The following POM121 variants were observed in gnomAD, a reference collection of about 807,000 sequenced individuals.
POM121 encodes nuclear envelope pore membrane protein POM 121.
Under a neutral mutation model 81.3 loss-of-function variants are expected in POM121, and 32 were observed. That is an observed-to-expected ratio of 0.39 (90% confidence interval 0.30 to 0.53). The LOEUF is 0.53. Among genes scored for constraint, POM121 ranks in the 20% least tolerant of loss-of-function variants. The probability of loss-of-function intolerance (pLI) is 0.66; values close to 1 mark genes in which losing one functional copy is unlikely to be tolerated. For synonymous variants in POM121, 514 were observed against 694.2 expected (o/e 0.74, Z 4.08); for missense variants, 1,138 against 1,614.6 (o/e 0.70, Z 5.06).
chr7:72,901,841 G>A (rs1469114930), intron 3 of POM121, among the ~76,000 whole-genome samples: 2 of 151,788 alleles, frequency 1.3e-5, no homozygotes, highest in Non-Finnish European at 2.9e-5. Flanking sequence ...GGCTGGGCAC[G>A]GTGGCTCACA....
downstream of POM121, chr7:72,950,279 A>T: frequency 8.7e-7 from 1 of 1,153,064 alleles, no homozygotes; most frequent in South Asian, 1.6e-5. Flanking sequence ...CATGCAACAA[A>T]TGTTACCACA....
chr7:72,894,576 TAA>T (rs782336455), intron 3 of POM121, among the ~76,000 whole-genome samples: 3 of 78,238 alleles, frequency 3.8e-5, no homozygotes, highest in East Asian at 3.1e-4. Context: ...GAAACTTCAT[TAA>T]AAAAAAAAAA....
At chr7:72,901,983 A>G (rs13245848) in intron 3 of POM121, among the ~76,000 whole-genome samples, 1 of 151,718 alleles carries the variant, frequency 6.6e-6, no homozygotes, top group Non-Finnish European at 1.5e-5. Context: ...ATGGTGGCGC[A>G]TGCCTGTAAT....
intron 3 of POM121, among the ~76,000 whole-genome samples, chr7:72,894,899 C>T (rs1554491490): frequency 6.6e-6 from 1 of 152,178 alleles, no homozygotes; most frequent in African/African-American, 2.4e-5. Context: ...GTGATCATAG[C>T]TCATGGCAGC....
intron 3 of POM121, among the ~76,000 whole-genome samples, chr7:72,909,156 A>G (rs782160929): frequency 3.9e-5 from 6 of 152,236 alleles, no homozygotes; most frequent in Non-Finnish European, 8.8e-5. Context: ...TTCTTCTGCC[A>G]TGGCTTTAGC....
intron 5 of POM121, among the ~76,000 whole-genome samples, chr7:72,934,472 A>C (rs1387435329): frequency 2.0e-5 from 3 of 152,174 alleles, no homozygotes; most frequent in Admixed American, 6.5e-5. Context: ...GTTGCAACAA[A>C]AAAGTGTCCT....
rs150085369 is a variant in POM121 at position 72,942,998 on chromosome 7, C to T, written c.3005C>T (p.Ala1002Val). Reference sequence around the variant, plus strand: ...TCTTTCACTTTTGGAAACTCTGCAGCCCCGGCTGCTGCACCCACACCTGCA... The same window carrying T: ...TCTTTCACTTTTGGAAACTCTGCAGTCCCGGCTGCTGCACCCACACCTGCA... ...GSSFTFGNSA[A>V]PAAAPTPAPP... is the part of the protein sequence containing the mutation. Residue 1002 changes from alanine (A) to valine (V), a missense_variant, in exon 11 of 13, where the codon GCC becomes GTC. Coordinates refer to ENST00000434423, the MANE Select transcript of POM121 (RefSeq NM_001387691.1). The T allele has an allele frequency of 3.2e-5, 51 of 1,613,386 alleles. No homozygotes were observed. In the African/African-American group the frequency reaches 6.0e-4, roughly 19 times the overall value.
In POM121 at chr7:72,918,777, C is replaced by T. The variant is rs147736209; in HGVS notation, c.-152+4949C>T. Among the ~76,000 whole-genome samples the T allele has an allele frequency of 1.2e-4, 18 of 151,978 alleles. No individual in the cohort carries two copies. The East Asian group carries it at 3.1e-3, about 26-fold the overall frequency. ...GTCCTCATGTGACCTTTTCTCTGCA[C>T]GTCTCTGGCATTTCTGCTTGTTTCT... On this transcript the variant is annotated intron_variant, in intron 4 of 15. Transcript: ENST00000395270.
rs782750987 is a variant in POM121 at position 72,926,788 on chromosome 7, G to T, written c.861-14G>T. 62 of 1,611,252 alleles carry T rather than the reference G, an allele frequency of 3.8e-5. No individual in the cohort carries two copies. The highest frequency in any genetic ancestry group is 5.0e-5 in the Admixed American group (3 of 59,448). ...TAAAATATCTTACAGCTAGAATCTTGTCTTTCATTGTAGACCAGAGCAGAT... is the reference window on the plus strand; with the variant it reads ...TAAAATATCTTACAGCTAGAATCTTTTCTTTCATTGTAGACCAGAGCAGAT... On this transcript the variant is annotated splice_polypyrimidine_tract_variant and intron_variant, in intron 2 of 12. Coordinates refer to ENST00000434423, the MANE Select transcript of POM121 (RefSeq NM_001387691.1).
In POM121 at chr7:72,943,087, G is replaced by A. The variant is rs201571911; in HGVS notation, c.3094G>A (p.Gly1032Ser). ...TACGCCCATCCATCCTATCTTTGGC[G>A]GTGCCACGCACTCGGCGTTTGGGTT... ...VPTPIHPIFG[G>S]ATHSAFGLKA... Residue 1032 changes from glycine (G) to serine (S), a missense_variant, in exon 11 of 13, where the codon GGT (glycine) becomes AGT (serine). Gly to Ser is a moderately conservative substitution (Grantham distance 56). Coordinates refer to ENST00000434423, the MANE Select transcript of POM121 (RefSeq NM_001387691.1). The A allele has an allele frequency of 2.3e-5, 37 of 1,613,592 alleles. No individual in the cohort carries two copies. The highest frequency in any genetic ancestry group is 2.5e-5 in the Non-Finnish European group (29 of 1,179,834).
chr7:72,909,465 T>C (rs1461687111), intron 3 of POM121, among the ~76,000 whole-genome samples: 1 of 152,230 alleles, frequency 6.6e-6, no homozygotes, highest in Non-Finnish European at 1.5e-5. Flanking sequence ...TTGAGTGTTA[T>C]GTTATGAGGC....
chr7:72,913,178 C>T (rs2129576479), intron 3 of POM121, among the ~76,000 whole-genome samples: 1 of 152,308 alleles, frequency 6.6e-6, no homozygotes, highest in South Asian at 2.1e-4. Flanking sequence ...AAATCAGCTC[C>T]ATCATGGTCT....
At chr7:72,890,941 G>A in exon 3 of POM121, 2 of 1,235,738 alleles carry the variant, frequency 1.6e-6, no homozygotes, top group Non-Finnish European at 2.3e-6. Flanking sequence ...AGCTTATGAG[G>A]TGGCAACATC....
chr7:72,892,096 A>G (rs1357382505), intron 3 of POM121, among the ~76,000 whole-genome samples: 2 of 152,252 alleles, frequency 1.3e-5, no homozygotes, highest in South Asian at 2.1e-4. Flanking sequence ...TGTGAATTTC[A>G]TAAGTGAATG....
At chr7:72,881,327 A>G (rs1228200005) in intron 1 of POM121, among the ~76,000 whole-genome samples, 1 of 150,152 alleles carries the variant, frequency 6.7e-6, no homozygotes, top group Non-Finnish European at 1.5e-5. Context: ...CCTGGCCAAC[A>G]TGGCGAAACC....
intron 3 of POM121, among the ~76,000 whole-genome samples, chr7:72,911,274 G>A (rs1399083178): frequency 3.3e-5 from 5 of 152,334 alleles, no homozygotes; most frequent in East Asian, 1.9e-4. Context: ...ATGAGCCACC[G>A]TGCCCAGCTG....
intron 2 of POM121, chr7:72,890,887 G>A (rs1318795036): frequency 8.7e-7 from 1 of 1,143,744 alleles, no homozygotes; most frequent in East Asian, 2.4e-5. Context: ...TCATTGAAAG[G>A]TTCTAACTTT....
intron 3 of POM121, among the ~76,000 whole-genome samples, chr7:72,910,882 AC>A (rs1342014491): frequency 6.6e-6 from 1 of 152,112 alleles, no homozygotes; most frequent in African/African-American, 2.4e-5. Context: ...AGGCCAAAGA[AC>A]AAACCATCAA....
At chr7:72,924,926 C>T, upstream of POM121, 14 of 1,006,352 alleles carry the variant, frequency 1.4e-5, no homozygotes, top group Non-Finnish European at 1.8e-5. Flanking sequence ...CGCTGGGAGC[C>T]ACGCGGAAAA....
Sources: gnomAD v4.1 joint callset for allele counts (sites outside exome capture counted in the v4.1 genomes callset) on GRCh38, gnomAD v4.1.1 for gene constraint, MANE v1.5 for transcripts, NCBI Gene and HGNC (gene_info 2026-07-23, HGNC 2026-07-21) for gene names.